Variants in KCNH5 observed in about 807,000 individuals in gnomAD.
The protein encoded by KCNH5 is voltage-gated delayed rectifier potassium channel KCNH5.
Under a neutral mutation model 96.1 loss-of-function variants are expected in KCNH5, and 46 were observed. The observed-to-expected ratio is 0.48, with a 90% CI of 0.38 to 0.61. The LOEUF is 0.61. Among genes scored for constraint, KCNH5 ranks in the 20% least tolerant of loss-of-function variants. The pLI is 0.00. For synonymous variants in KCNH5, 439 were observed against 449.8 expected (o/e 0.98, Z 0.30); for missense variants, 907 against 1,225.8 (o/e 0.74, Z 3.88).
At chr14:62,745,460 A>G (rs1885356799) in intron 10 of KCNH5, among the ~76,000 whole-genome samples, 1 of 152,244 alleles carries the variant, frequency 6.6e-6, no homozygotes, top group Non-Finnish European at 1.5e-5. Flanking sequence ...ATGTTCAAAA[A>G]CACTAAATTT....
intron 6 of KCNH5, among the ~76,000 whole-genome samples, chr14:62,966,742 G>T (rs1201867528): frequency 6.6e-6 from 1 of 152,108 alleles, no homozygotes; most frequent in Non-Finnish European, 1.5e-5. Context: ...AAGATTCTTT[G>T]AATTCTTTCC....
intron 8 of KCNH5, among the ~76,000 whole-genome samples, chr14:62,818,414 G>A (rs11620672): frequency 0.56 from 85,104 of 151,870 alleles, 24,349 homozygotes; most frequent in South Asian, 0.81. Flanking sequence ...TAAAAATTTC[G>A]AAAGGTTCTA....
chr14:62,705,506 T>A lies in KCNH5; in HGVS notation c.*2002A>T, dbSNP rs1446210626. ...ATTCTTTACTCCATAATTATTTCAT[T>A]TTCTTGTGTTTGTGGTAGGTAGATA... On this transcript the variant is annotated 3_prime_UTR_variant, in exon 11 of 11. Transcript: ENST00000322893. The A allele has an allele frequency of 6.6e-6, 1 of 151,998 alleles. No individual in the cohort carries two copies. Among genetic ancestry groups the A allele is most frequent in the East Asian group, 1.9e-4 (1 of 5,190 alleles). The allele number at this position is 151,998 out of a possible 1,614,324, so 9.4% of individuals were successfully genotyped here.
intron 4 of KCNH5, among the ~76,000 whole-genome samples, chr14:62,994,058 GA>G (rs1233704929): frequency 6.6e-6 from 1 of 152,016 alleles, no homozygotes; most frequent in Non-Finnish European, 1.5e-5. Flanking sequence ...AAAATAAAAA[GA>G]AGTCACAGAG....
At chr14:62,852,619 T>C (rs1163105154) in intron 7 of KCNH5, among the ~76,000 whole-genome samples, 1 of 152,132 alleles carries the variant, frequency 6.6e-6, no homozygotes, top group East Asian at 1.9e-4. Flanking sequence ...CAGTTTTTCT[T>C]TTTTTCGTAT....
At chr14:63,006,266 A>G in intron 3 of KCNH5, 100 bp downstream of exon 3, 1 of 566,172 alleles carries the variant, frequency 1.8e-6, no homozygotes, top group Non-Finnish European at 3.0e-6. Flanking sequence ...AAGAAGCAAC[A>G]GAAGGTTTAC....
chr14:62,925,084 A>G (rs1889448542), intron 7 of KCNH5, among the ~76,000 whole-genome samples: 1 of 151,914 alleles, frequency 6.6e-6, no homozygotes, highest in Non-Finnish European at 1.5e-5. Context: ...TATATATAAA[A>G]TTTTTATTTG....
At chr14:62,857,176 C>A in intron 7 of KCNH5, among the ~76,000 whole-genome samples, 1 of 152,122 alleles carries the variant, frequency 6.6e-6, no homozygotes, top group East Asian at 1.9e-4. Flanking sequence ...CCTAAAGAAC[C>A]ACTTAACTTT....
At chr14:62,833,489 T>C (rs75845533) in intron 8 of KCNH5, among the ~76,000 whole-genome samples, 4,307 of 152,210 alleles carry the variant, frequency 0.028, 94 homozygotes, top group South Asian at 0.059. Context: ...TTCTGTTCCA[T>C]ACATCTGTCT....
intron 7 of KCNH5, among the ~76,000 whole-genome samples, chr14:62,928,602 C>T (rs1294104460): frequency 6.6e-6 from 1 of 151,972 alleles, no homozygotes; most frequent in Non-Finnish European, 1.5e-5. Flanking sequence ...AGCGTTTGCC[C>T]CCAAGATTAC....
At chr14:62,766,431 G>A (rs753787213) in intron 10 of KCNH5, among the ~76,000 whole-genome samples, 2 of 152,120 alleles carry the variant, frequency 1.3e-5, no homozygotes, top group East Asian at 1.9e-4. Flanking sequence ...CACCCTAAGC[G>A]TTCATCAGTA....
intron 7 of KCNH5, among the ~76,000 whole-genome samples, chr14:62,856,788 C>T (rs190725718): frequency 2.0e-5 from 3 of 151,470 alleles, no homozygotes; most frequent in Admixed American, 6.6e-5. Context: ...ATTTTCCAAT[C>T]TTCACTTAAT....
chr14:62,869,666 T>A (rs531823759), intron 7 of KCNH5, among the ~76,000 whole-genome samples: 10 of 152,054 alleles, frequency 6.6e-5, no homozygotes, highest in Non-Finnish European at 1.3e-4. Flanking sequence ...TTTTAGGTCT[T>A]GGAGGCATCA....
intron 1 of KCNH5, among the ~76,000 whole-genome samples, chr14:63,026,127 T>C (rs1000604429): frequency 6.6e-6 from 1 of 152,090 alleles, no homozygotes; most frequent in African/African-American, 2.4e-5. Context: ...GGCAATCTCT[T>C]CAATCAAGGA....
At chr14:62,825,356 G>A (rs2140021881) in intron 8 of KCNH5, among the ~76,000 whole-genome samples, 1 of 151,994 alleles carries the variant, frequency 6.6e-6, no homozygotes. Flanking sequence ...TATCATTGTG[G>A]TTTTGATTTG....
At chr14:62,875,447 C>A (rs964136702) in intron 7 of KCNH5, among the ~76,000 whole-genome samples, 2 of 152,208 alleles carry the variant, frequency 1.3e-5, no homozygotes, top group African/African-American at 4.8e-5. Context: ...AACTATACTA[C>A]TAGGCTACAG....
Position 62,927,603 on chromosome 14 carries a change from A to T in KCNH5, c.1369+22530T>A, listed in dbSNP as rs190505240. 7.2e-5 allele frequency among the ~76,000 whole-genome samples: 11 copies of T among 152,252 alleles called. No individual in the cohort carries two copies. In the East Asian group the frequency reaches 2.1e-3, roughly 29 times the overall value. ...GCTACAAAATGGAGAAATCTTGAGG[A>T]CACTATGCTAAGTGAAATAATTCAG... On this transcript the variant is annotated intron_variant, in intron 7 of 10. Transcript: ENST00000322893.
At chr14:62,941,773 G>A (rs372304807) in intron 7 of KCNH5, among the ~76,000 whole-genome samples, 2 of 152,048 alleles carry the variant, frequency 1.3e-5, no homozygotes, top group African/African-American at 4.8e-5. Flanking sequence ...ACCTGAAGTC[G>A]CATATTAAGA....
chr14:62,945,048 T>G (rs1566717081), intron 7 of KCNH5, among the ~76,000 whole-genome samples: 1 of 152,142 alleles, frequency 6.6e-6, no homozygotes, highest in South Asian at 2.1e-4. Flanking sequence ...GAAATGGAAA[T>G]TTAGATCTAG....
Sources: allele counts gnomAD v4.1 joint callset (sites outside exome capture counted in the v4.1 genomes callset), GRCh38; gene constraint gnomAD v4.1.1; transcripts MANE v1.5; gene names NCBI Gene and HGNC (gene_info 2026-07-23, HGNC 2026-07-21).